COP1: variants seen among roughly 807,000 people sequenced by gnomAD.
COP1 encodes the protein COP1 E3 ubiquitin ligase.
COP1 carries 24 observed loss-of-function variants against 101.3 expected under a neutral mutation model. That is an observed-to-expected ratio of 0.24 (90% CI 0.17 to 0.33). The LOEUF (loss-of-function observed/expected upper bound fraction) is 0.33, where lower values mean the gene tolerates loss of function less well. Ranked by LOEUF, COP1 falls within the 10% of genes least tolerant of loss-of-function variation. The pLI, the probability that COP1 is intolerant of heterozygous loss-of-function variation, is 1.00. For synonymous variants in COP1, 347 were observed against 341.9 expected (o/e 1.01, Z -0.17); for missense variants, 663 against 906.2 (o/e 0.73, Z 3.45).
At chr1:176,073,816 G>C (rs988331685) in intron 11 of COP1, among the ~76,000 whole-genome samples, 3 of 152,196 alleles carry the variant, frequency 2.0e-5, no homozygotes, top group African/African-American at 7.2e-5. Context: ...TTTTCTCTCA[G>C]ATTATCACTG....
At chr1:175,963,854 TA>T (rs1288668403) in intron 18 of COP1, among the ~76,000 whole-genome samples, 1 of 152,192 alleles carries the variant, frequency 6.6e-6, no homozygotes, top group Non-Finnish European at 1.5e-5. Flanking sequence ...ATACTATAGT[TA>T]TTTATGAATA....
intron 15 of COP1, among the ~76,000 whole-genome samples, chr1:176,016,126 T>C (rs894547321): frequency 2.6e-5 from 4 of 152,180 alleles, no homozygotes; most frequent in African/African-American, 9.7e-5. Context: ...GAATTTCCAG[T>C]AAGTAGAATA....
At chr1:175,975,378 C>A (rs1377248943) in intron 18 of COP1, among the ~76,000 whole-genome samples, 2 of 152,112 alleles carry the variant, frequency 1.3e-5, no homozygotes, top group African/African-American at 4.8e-5. Flanking sequence ...AACCCACAAC[C>A]ATCCCGAAGT....
intron 5 of COP1, 87 bp downstream of exon 5, chr1:176,162,782 A>C: frequency 1.8e-6 from 2 of 1,128,874 alleles, no homozygotes; most frequent in Non-Finnish European, 2.5e-6. Flanking sequence ...TAGTGAAGCT[A>C]TCCTATTATT....
chr1:176,046,157 A>G, intron 12 of COP1, 24 bp downstream of exon 12: 1 of 1,581,656 alleles, frequency 6.3e-7, no homozygotes, highest in Admixed American at 1.8e-5. Context: ...ATACTGCATC[A>G]TGTCAAGAAA....
rs761487200 is a variant in COP1 at position 176,136,560 on chromosome 1, TAGAG to T, written c.832-17_832-14del. 86 of 1,534,994 alleles carry T rather than the reference TAGAG, an allele frequency of 5.6e-5. No homozygotes were observed. In the East Asian group the frequency reaches 1.6e-3, roughly 29 times the overall value. Reference sequence around the variant, plus strand: ...TCTGTTCCAGTTGCTGCAGATTAAATAGAGAGAGAAAGACAAAAAAAAAAAAGCC... The same window carrying T: ...TCTGTTCCAGTTGCTGCAGATTAAATAGAGAAAGACAAAAAAAAAAAAGCC... On this transcript the variant is annotated splice_polypyrimidine_tract_variant and intron_variant, in intron 6 of 19. Coordinates refer to ENST00000367669, the MANE Select transcript of COP1 (RefSeq NM_022457.7).
intron 15 of COP1, among the ~76,000 whole-genome samples, chr1:176,023,423 A>G (rs548051020): frequency 6.6e-6 from 1 of 152,226 alleles, no homozygotes; most frequent in Non-Finnish European, 1.5e-5. Context: ...GAATTCACCT[A>G]GAAAAAGTAA....
chr1:176,112,150 C>T (rs559061149), intron 9 of COP1, among the ~76,000 whole-genome samples: 1 of 151,260 alleles, frequency 6.6e-6, no homozygotes, highest in African/African-American at 2.4e-5. Context: ...TATTTACGTA[C>T]TGTCTCAGTG....
chr1:176,006,332 C>A (rs1002168742), intron 15 of COP1, among the ~76,000 whole-genome samples: 1 of 152,142 alleles, frequency 6.6e-6, no homozygotes. Context: ...TTCATTGGAG[C>A]ATTTAGTCTA....
rs1470209632 is a variant in COP1 at position 176,131,091 on chromosome 1, C to G, written c.968+3919G>C. Among the ~76,000 whole-genome samples, 4 of 151,762 alleles carry G rather than the reference C, an allele frequency of 2.6e-5. No individual in the cohort carries two copies. In the East Asian group the frequency reaches 7.7e-4, roughly 29 times the overall value. On this transcript the variant is annotated intron_variant, in intron 8 of 19. Transcript: ENST00000367669. ...GTGTAAGCAAAGATACCCTAACATT[C>G]TGCTTTGAGAGTTACATACAATTTT...
At chr1:175,947,053 T>A in intron 19 of COP1, 142 bp downstream of exon 19, 1 of 676,316 alleles carries the variant, frequency 1.5e-6, no homozygotes, top group Non-Finnish European at 2.7e-6. Context: ...TTCTTTTCCC[T>A]TAAATCAAGC....
chr1:175,948,323 C>A (rs989164466), intron 18 of COP1, among the ~76,000 whole-genome samples: 6 of 152,138 alleles, frequency 3.9e-5, no homozygotes, highest in African/African-American at 1.4e-4. Flanking sequence ...CTTTTGCTTT[C>A]CATGGTAGGC....
At chr1:176,056,611 C>T (rs1304278481) in intron 11 of COP1, among the ~76,000 whole-genome samples, 4 of 152,038 alleles carry the variant, frequency 2.6e-5, no homozygotes, top group African/African-American at 7.2e-5. Flanking sequence ...TTTCAGAACT[C>T]GTCTATACAA....
chr1:175,988,117 T>C (rs1657553650), intron 17 of COP1, among the ~76,000 whole-genome samples, 171 bp downstream of exon 17: 1 of 152,214 alleles, frequency 6.6e-6, no homozygotes, highest in African/African-American at 2.4e-5. Context: ...GGACTAATGC[T>C]CTTCTAGTAC....
At chr1:176,032,358 C>T (rs922109248) in intron 14 of COP1, among the ~76,000 whole-genome samples, 2 of 152,154 alleles carry the variant, frequency 1.3e-5, no homozygotes, top group African/African-American at 2.4e-5. Context: ...TATAAATAAG[C>T]TGGACTCTTA....
intron 19 of COP1, among the ~76,000 whole-genome samples, chr1:175,945,772 T>C (rs1391465547): frequency 6.6e-6 from 1 of 152,224 alleles, no homozygotes; most frequent in Non-Finnish European, 1.5e-5. Flanking sequence ...TATGAGACAC[T>C]GTCAAAAAGA....
intron 2 of COP1, among the ~76,000 whole-genome samples, chr1:176,183,020 C>G (rs1000365374): frequency 6.6e-6 from 1 of 152,068 alleles, no homozygotes; most frequent in Non-Finnish European, 1.5e-5. Context: ...TGTACAATGA[C>G]TGGTTTTTAA....
At chr1:176,133,480 A>G (rs1224374432) in intron 8 of COP1, among the ~76,000 whole-genome samples, 2 of 151,872 alleles carry the variant, frequency 1.3e-5, no homozygotes, top group African/African-American at 4.8e-5. Flanking sequence ...GCATGACTGT[A>G]TTGTATGTTA....
chr1:176,118,647 T>TC, intron 8 of COP1, among the ~76,000 whole-genome samples: 1 of 152,230 alleles, frequency 6.6e-6, no homozygotes, highest in South Asian at 2.1e-4. Flanking sequence ...TTCCAGCTAC[T>TC]CAGGAGGGTG....
Sources: gnomAD v4.1 joint callset for allele counts (sites outside exome capture counted in the v4.1 genomes callset) on GRCh38, gnomAD v4.1.1 for gene constraint, MANE v1.5 for transcripts, NCBI Gene and HGNC (gene_info 2026-07-23, HGNC 2026-07-21) for gene names.